Variants in WWC2 observed in about 807,000 individuals in gnomAD.
WWC2 encodes protein WWC2.
A neutral mutation model predicts 138.5 loss-of-function variants in WWC2; 101 were observed. The ratio of observed to expected loss-of-function variants is 0.73; its 90% CI spans 0.62 to 0.86. The LOEUF is 0.86. Among genes scored for constraint, WWC2 ranks in the 40% least tolerant of loss-of-function variants. WWC2 has a pLI of 0.00. For synonymous variants in WWC2, 558 were observed against 538.4 expected, an observed-to-expected ratio of 1.04 and a Z score of -0.50; for missense variants, 1,420 against 1,419.4, an observed-to-expected ratio of 1.00 and a Z score of -0.01.
intron 4 of WWC2, among the ~76,000 whole-genome samples, chr4:183,236,184 T>A (rs1281653747): frequency 6.6e-6 from 1 of 152,230 alleles, no homozygotes; most frequent in Non-Finnish European, 1.5e-5. Flanking sequence ...ATTTGTTTGC[T>A]GGTTTTCTAT....
At chr4:183,295,123 A>G (rs1015616717) in intron 21 of WWC2, among the ~76,000 whole-genome samples, 1 of 152,156 alleles carries the variant, frequency 6.6e-6, no homozygotes, top group Non-Finnish European at 1.5e-5. Flanking sequence ...TTGAGCAGAC[A>G]TATTTTCTGT....
chr4:183,126,660 G>A (rs567449016), intron 1 of WWC2, among the ~76,000 whole-genome samples: 1 of 152,290 alleles, frequency 6.6e-6, no homozygotes, highest in African/African-American at 2.4e-5. Flanking sequence ...ACCTAGTAGA[G>A]TGAATATGAA....
chr4:183,230,766 G>C (rs1008174518), intron 4 of WWC2, among the ~76,000 whole-genome samples: 5 of 151,756 alleles, frequency 3.3e-5, no homozygotes, highest in Admixed American at 1.3e-4. Flanking sequence ...TAATAAAATT[G>C]ACATATCTCT....
intron 4 of WWC2, among the ~76,000 whole-genome samples, chr4:183,231,331 G>A (rs536041671): frequency 7.0e-6 from 1 of 142,440 alleles, no homozygotes; most frequent in South Asian, 2.3e-4. Context: ...ATGCAGTGGC[G>A]CGATCTCAGC....
intron 1 of WWC2, among the ~76,000 whole-genome samples, chr4:183,136,192 C>T (rs1160324300): frequency 6.6e-6 from 1 of 152,082 alleles, no homozygotes; most frequent in Admixed American, 6.6e-5. Context: ...TATCTCTTTA[C>T]ATATTGCCTC....
intron 2 of WWC2, among the ~76,000 whole-genome samples, chr4:183,198,576 C>T (rs1035217958): frequency 6.6e-6 from 1 of 151,112 alleles, no homozygotes; most frequent in African/African-American, 2.4e-5. Context: ...TAATTTTCAC[C>T]AAAAAATTTT....
chr4:183,304,758 A>G (rs1174052339), intron 21 of WWC2, among the ~76,000 whole-genome samples: 12 of 152,232 alleles, frequency 7.9e-5, no homozygotes, highest in Admixed American at 6.5e-4. Flanking sequence ...ATAGAGCTAT[A>G]GAACACTTGC....
intron 1 of WWC2, among the ~76,000 whole-genome samples, chr4:183,148,432 A>G (rs1393713350): frequency 6.6e-6 from 1 of 152,172 alleles, no homozygotes; most frequent in East Asian, 1.9e-4. Flanking sequence ...CCATTTTAAT[A>G]TAATGTAAAG....
rs1026314734 is a variant in WWC2 at position 183,160,443 on chromosome 4, G to A, written c.132-33156G>A. ...CAAAGCAAATGTGGGATGAGAGGTA[G>A]ACCTGCATGAAGCAGTGGTATGAAC... On this transcript the variant is annotated intron_variant, in intron 1 of 22. Coordinates refer to ENST00000403733, the MANE Select transcript of WWC2 (RefSeq NM_024949.6). Among the ~76,000 whole-genome samples, 21 of 152,322 alleles carry A rather than the reference G, an allele frequency of 1.4e-4. 1 individual carries two copies. The East Asian group carries it at 4.0e-3, about 29-fold the overall frequency.
At chr4:183,112,414 G>A (rs984162898) in intron 1 of WWC2, among the ~76,000 whole-genome samples, 20 of 152,188 alleles carry the variant, frequency 1.3e-4, no homozygotes, top group African/African-American at 4.6e-4. Flanking sequence ...CACTTAACAC[G>A]GCGGAGGCCT....
chr4:183,219,668 T>C (rs964911756), intron 4 of WWC2, among the ~76,000 whole-genome samples: 11 of 152,236 alleles, frequency 7.2e-5, no homozygotes, highest in African/African-American at 2.7e-4. Context: ...ACTTTGACTA[T>C]TCATAAAGTA....
At chr4:183,253,607 G>A (rs35760750) in intron 8 of WWC2, 150 bp from the exon 9 acceptor site, 125,335 of 865,912 alleles carry the variant, frequency 0.14, 9,540 homozygotes, top group African/African-American at 0.15. Context: ...CTCCCACTCC[G>A]GCCTCTCACC....
chr4:183,307,420 G>C (rs796770557), intron 21 of WWC2, among the ~76,000 whole-genome samples: 48 of 152,278 alleles, frequency 3.2e-4, no homozygotes, highest in African/African-American at 1.0e-3. Flanking sequence ...GAGAACAGAA[G>C]CAAAGAGAAT....
intron 2 of WWC2, among the ~76,000 whole-genome samples, chr4:183,201,828 G>A (rs1034545142): frequency 1.5e-4 from 23 of 152,108 alleles, no homozygotes; most frequent in African/African-American, 4.3e-4. Flanking sequence ...AGGTTCTTAC[G>A]TTCATATAGT....
intron 1 of WWC2, 97 bp from the exon 2 acceptor site, chr4:183,193,502 T>A: frequency 9.6e-7 from 1 of 1,043,700 alleles, no homozygotes; most frequent in Non-Finnish European, 1.4e-6. Context: ...TTTAAGATTT[T>A]AAATGCAACC....
At chr4:183,191,115 T>C (rs1560834795) in intron 1 of WWC2, among the ~76,000 whole-genome samples, 1 of 152,068 alleles carries the variant, frequency 6.6e-6, no homozygotes, top group Non-Finnish European at 1.5e-5. Flanking sequence ...CTAGTTGCTT[T>C]ATTGAGGTAG....
intron 7 of WWC2, 140 bp from the exon 8 acceptor site, chr4:183,249,780 G>A (rs923896947): frequency 1.6e-6 from 1 of 626,458 alleles, no homozygotes; most frequent in Non-Finnish European, 2.8e-6. Flanking sequence ...TAAAATAAGT[G>A]TCTTTTAAAA....
chr4:183,301,327 A>G (rs1738833612), intron 21 of WWC2, among the ~76,000 whole-genome samples: 1 of 152,194 alleles, frequency 6.6e-6, no homozygotes, highest in African/African-American at 2.4e-5. Context: ...TAAATTCACA[A>G]GCTCCAGCTG....
chr4:183,182,896 A>T (rs1216168569), intron 1 of WWC2, among the ~76,000 whole-genome samples: 1 of 152,252 alleles, frequency 6.6e-6, no homozygotes, highest in African/African-American at 2.4e-5. Context: ...GAAAGAATAA[A>T]TTACAACCCT....
Sources: allele counts gnomAD v4.1 joint callset (sites outside exome capture counted in the v4.1 genomes callset), GRCh38; gene constraint gnomAD v4.1.1; transcripts MANE v1.5; gene names NCBI Gene and HGNC (gene_info 2026-07-23, HGNC 2026-07-21).